The following COL12A1 variants were observed in gnomAD, a reference collection of about 807,000 sequenced individuals.
The protein encoded by COL12A1 is collagen type XII alpha 1 chain.
Under a neutral mutation model 349.7 loss-of-function variants are expected in COL12A1, and 114 were observed. That is an observed-to-expected ratio of 0.33 (90% CI 0.28 to 0.38). COL12A1 has a LOEUF of 0.38. Ranked by LOEUF, COL12A1 falls within the 10% of genes least tolerant of loss-of-function variation. The probability of loss-of-function intolerance (pLI) is 1.00; values close to 1 mark genes in which losing one functional copy is unlikely to be tolerated. For missense variants in COL12A1, 3,284 were observed against 3,756.9 expected (o/e 0.87, Z 3.29); for synonymous variants, 1,369 against 1,329.0 (o/e 1.03, Z -0.66).
chr6:75,164,010 A>G (rs1182339249), intron 14 of COL12A1, among the ~76,000 whole-genome samples: 1 of 152,164 alleles, frequency 6.6e-6, no homozygotes, highest in Non-Finnish European at 1.5e-5. Flanking sequence ...GTCATATATG[A>G]CCTAAGTTTA....
rs553802363 is a variant in COL12A1 at position 75,189,293 on chromosome 6, C to A, written c.747G>T (p.Thr249=). 6.2e-7 allele frequency: 1 copy of A among 1,613,076 alleles called. No homozygotes were observed. The highest frequency in any genetic ancestry group is 8.5e-7 in the Non-Finnish European group (1 of 1,179,434). ...VGFPKVAIII[T]DGKSQDEVEI... ...CCACTTCATCCTGGGATTTTCCATC[C>A]GTAATAATAATTGCCACTTTAGGAA... The change falls in exon 7 of 66, where the codon ACG becomes ACT. Residue 249 remains threonine, a synonymous_variant. Coordinates refer to ENST00000322507, the MANE Select transcript of COL12A1 (RefSeq NM_004370.6).
intron 17 of COL12A1, among the ~76,000 whole-genome samples, chr6:75,153,562 A>C (rs2149419572): frequency 6.6e-6 from 1 of 152,296 alleles, no homozygotes; most frequent in East Asian, 1.9e-4. Flanking sequence ...AAAAAATTAA[A>C]TAATGCTCAT....
chr6:75,085,158 C>G lies in COL12A1; in HGVS notation c.*1389G>C. 4.4e-6 allele frequency: 2 copies of G among 454,716 alleles called. No homozygotes were observed. Among genetic ancestry groups the G allele is most frequent in the Non-Finnish European group, 9.0e-6 (2 of 221,884 alleles). 28.2% of individuals were successfully genotyped at this position (454,716 alleles called of 1,614,324 possible). On this transcript the variant is annotated 3_prime_UTR_variant, in exon 66 of 66. Coordinates refer to ENST00000322507, the MANE Select transcript of COL12A1 (RefSeq NM_004370.6). ...TAAATGAGAATTTCAACACCTCCCC[C>G]AAGCCTCGCGGCGCGGCGCGTGATC...
At chr6:75,197,647 T>G (rs1278879648) in intron 2 of COL12A1, among the ~76,000 whole-genome samples, 2 of 152,070 alleles carry the variant, frequency 1.3e-5, no homozygotes, top group Admixed American at 6.6e-5. Context: ...TGCATATTGA[T>G]TATAACTGCA....
chr6:75,156,324 A>G lies in COL12A1; in HGVS notation c.3183T>C (p.Tyr1061=), dbSNP rs375105807. 8.7e-6 allele frequency: 14 copies of G among 1,613,800 alleles called. No individual in the cohort carries two copies. In the East Asian group the frequency reaches 2.2e-4, roughly 26 times the overall value. Residue 1061 remains tyrosine, a synonymous_variant, in exon 15 of 66, where the codon TAT becomes TAC. Transcript: ENST00000322507. The stretch of plus-strand genomic sequence containing the variant: ...TGTAAATAGGAAGAACTGTGATGTC[A>G]TATGTGGTCTGTGGCTGAAGTCGCT... ...VLKRLQPQTT[Y]DITVLPIYKM...
intron 59 of COL12A1, 71 bp from the exon 60 acceptor site, chr6:75,095,250 G>T: frequency 8.5e-7 from 1 of 1,181,692 alleles, no homozygotes; most frequent in Non-Finnish European, 1.2e-6. Flanking sequence ...AATGAATACA[G>T]CCTGTTTTAA....
intron 43 of COL12A1, among the ~76,000 whole-genome samples, chr6:75,122,723 C>T (rs187284558): frequency 9.2e-5 from 14 of 152,212 alleles, no homozygotes; most frequent in African/African-American, 2.9e-4. Flanking sequence ...CTATTAAATG[C>T]TGGAAACAGC....
At chr6:75,113,895 A>G in intron 49 of COL12A1, 151 bp from the exon 50 acceptor site, 1 of 544,198 alleles carries the variant, frequency 1.8e-6, no homozygotes, top group Non-Finnish European at 2.8e-6. Context: ...TATTTATACT[A>G]ATCTGGCTCC....
Position 75,124,270 on chromosome 6 carries a change from G to A in COL12A1, c.6709C>T (p.Leu2237=). The A allele has an allele frequency of 1.2e-6, 2 of 1,613,492 alleles. No homozygotes were observed. Among genetic ancestry groups the A allele is most frequent in the Non-Finnish European group, 1.7e-6 (2 of 1,179,678 alleles). ...ACACACATACCATCTGCAGGGCTTA[G>A]TTTTAGCCTGTAGGAGGTGGCTGCC... ...HRAATSYRLK[L]SPADGTRGQE... Residue 2237 remains leucine (L), a synonymous_variant, in exon 41 of 66, where the codon CTA becomes TTA. Coordinates refer to ENST00000322507, the MANE Select transcript of COL12A1 (RefSeq NM_004370.6).
intron 58 of COL12A1, among the ~76,000 whole-genome samples, 191 bp from the exon 59 acceptor site, chr6:75,097,497 G>A (rs1472760926): frequency 6.6e-6 from 1 of 152,144 alleles, no homozygotes; most frequent in Admixed American, 6.5e-5. Context: ...AATCTTTTCA[G>A]TTTAACTTAT....
intron 2 of COL12A1, among the ~76,000 whole-genome samples, chr6:75,199,846 G>T (rs1013654414): frequency 3.9e-5 from 6 of 151,902 alleles, no homozygotes; most frequent in Admixed American, 3.9e-4. Flanking sequence ...ATAAGCAGAA[G>T]AAAAACAAGA....
chr6:75,168,832 A>G (rs916062268), intron 13 of COL12A1, among the ~76,000 whole-genome samples: 12 of 152,194 alleles, frequency 7.9e-5, no homozygotes, highest in Non-Finnish European at 1.6e-4. Context: ...TGCTCCTTCA[A>G]AATAAAGACA....
intron 43 of COL12A1, among the ~76,000 whole-genome samples, chr6:75,122,598 A>G (rs1007265574): frequency 2.6e-5 from 4 of 152,212 alleles, no homozygotes; most frequent in African/African-American, 9.6e-5. Context: ...ATCCATTATT[A>G]TTTTACCCCA....
chr6:75,189,173 TGTAGG>T (rs752705626), intron 7 of COL12A1, 39 bp downstream of exon 7: 1 of 1,587,114 alleles, frequency 6.3e-7, no homozygotes, highest in Non-Finnish European at 8.6e-7. Flanking sequence ...TTAAGTATAC[TGTAGG>T]AGTTGTAAAA....
rs1766723774 is a variant in COL12A1 at position 75,138,328 on chromosome 6, G to A, written c.5243C>T (p.Thr1748Ile). 6.2e-7 allele frequency: 1 copy of A among 1,610,066 alleles called. No individual in the cohort carries two copies. Among genetic ancestry groups the A allele is most frequent in the African/African-American group, 1.3e-5 (1 of 74,844 alleles). ...TCAAATTAAATTCTTACCTTGTGTT[G>A]TTAAGATAGGCACTAAAAGAAAACA... ...IGSERTLPIL[T>I]TQAPKSGPRN... is the part of the protein sequence containing the mutation. The change falls in exon 30 of 66, where the codon ACA becomes ATA. Residue 1748 changes from threonine to isoleucine, a missense_variant. Physicochemically the swap from Thr to Ile is moderately conservative, Grantham distance 89. Around this residue, in one of 2 missense-constraint regions of COL12A1, gnomAD observed 2,601 missense variants for 2,824.8 expected, o/e 0.92. Coordinates refer to ENST00000322507, the MANE Select transcript of COL12A1 (RefSeq NM_004370.6).
In COL12A1 at chr6:75,138,845, A is replaced by G. The variant is rs1265273886; in HGVS notation, c.5074T>C (p.Phe1692Leu). 3.1e-6 allele frequency: 5 copies of G among 1,614,050 alleles called. No individual in the cohort carries two copies. The highest frequency in any genetic ancestry group is 4.2e-6 in the Non-Finnish European group (5 of 1,179,944). ...ACCTCCATCTTATCTGAGCTTCCAAAAGGTGCCCAAGTTATTCTGTAGAGA... is the reference window on the plus strand; with the variant it reads ...ACCTCCATCTTATCTGAGCTTCCAAGAGGTGCCCAAGTTATTCTGTAGAGA... ...VSLYRITWAP[F>L]GSSDKMETIL... Residue 1692 changes from phenylalanine to leucine, a missense_variant, in exon 28 of 66, where the codon TTT becomes CTT. Transcript: ENST00000322507.
At chr6:75,187,561 A>G (rs1273480824) in intron 8 of COL12A1, among the ~76,000 whole-genome samples, 2 of 152,180 alleles carry the variant, frequency 1.3e-5, no homozygotes, top group Non-Finnish European at 2.9e-5. Context: ...ACAGTAAAAC[A>G]AAGGATAGAT....
At chr6:75,098,150 A>G (rs1229166371) in intron 58 of COL12A1, among the ~76,000 whole-genome samples, 2 of 152,230 alleles carry the variant, frequency 1.3e-5, no homozygotes, top group Admixed American at 6.5e-5. Context: ...CTAAGAATAT[A>G]CATTAAACAT....
rs1447576152 is a variant in COL12A1, at chr6:75,126,353, A to G, written c.6458T>C (p.Val2153Ala). 3.7e-6 allele frequency: 6 copies of G among 1,608,140 alleles called. No individual in the cohort carries two copies. The highest frequency in any genetic ancestry group is 2.7e-5 in the African/African-American group (2 of 74,750). ...VLGYKIVYKPVGSNEPMEAFV... is the reference protein window; with the variant it reads ...VLGYKIVYKPAGSNEPMEAFV... ...TGATGACAAAGGCACTTCCTTACCC[A>G]CTGGCTTATATACTATTTTATATCC... Residue 2153 changes from valine to alanine, a missense_variant and splice_region_variant, in exon 39 of 66, where the codon GTG (valine) becomes GCG (alanine). Transcript: ENST00000322507.
Sources: gnomAD v4.1 joint callset for allele counts (sites outside exome capture counted in the v4.1 genomes callset) on GRCh38, gnomAD v4.1.1 for gene constraint, gnomAD v4.1.1 regional missense constraint, MANE v1.5 for transcripts, NCBI Gene and HGNC (gene_info 2026-07-23, HGNC 2026-07-21) for gene names.